The following SLC6A5 variants were observed in gnomAD, a reference collection of about 807,000 sequenced individuals.
The protein encoded by SLC6A5 is solute carrier family 6 member 5.
A neutral mutation model predicts 90.5 loss-of-function variants in SLC6A5; 58 were observed. That is an observed-to-expected ratio of 0.64 (90% CI 0.52 to 0.80). SLC6A5 has a LOEUF of 0.80. SLC6A5 is among the 30% of genes least tolerant of loss of function. SLC6A5 has a pLI of 0.00. For missense variants in SLC6A5, 1,015 were observed against 1,017.6 expected, an observed-to-expected ratio of 1.00 and a Z score of 0.03; for synonymous variants, 427 against 401.4, an observed-to-expected ratio of 1.06 and a Z score of -0.76.
intron 10 of SLC6A5, among the ~76,000 whole-genome samples, chr11:20,632,191 C>A (rs1392285529): frequency 1.3e-5 from 2 of 152,150 alleles, no homozygotes; most frequent in Non-Finnish European, 2.9e-5. Flanking sequence ...AACCTCATTT[C>A]CTCCTAGCAG....
chr11:20,604,103 G>T (rs956457217), intron 2 of SLC6A5, among the ~76,000 whole-genome samples, 183 bp from the exon 3 acceptor site: 1 of 151,942 alleles, frequency 6.6e-6, no homozygotes, highest in Non-Finnish European at 1.5e-5. Context: ...GGGTTGAGGG[G>T]TGAGGTCCCT....
In SLC6A5 at chr11:20,637,171, G is replaced by C. The variant is rs368217844; in HGVS notation, c.1738-1G>C. ...ATGTTCATTTCCTGACACGGTTCCA[G>C]TTTGCCACCATCGAGACCATAGTGA... On this transcript the variant is annotated splice_acceptor_variant, in intron 11 of 15. Transcript: ENST00000525748. LOFTEE classifies it high-confidence loss of function. 4 of 1,613,850 alleles carry C rather than the reference G, an allele frequency of 2.5e-6. No individual in the cohort carries two copies. In the African/African-American group the frequency reaches 5.3e-5, roughly 22 times the overall value.
intron 10 of SLC6A5, among the ~76,000 whole-genome samples, chr11:20,632,373 A>T (rs1044284156): frequency 6.6e-6 from 1 of 152,158 alleles, no homozygotes; most frequent in Admixed American, 6.5e-5. Flanking sequence ...GCTCCAGGAA[A>T]CGGATTTCTG....
At chr11:20,603,707 G>T (rs1214072269) in intron 2 of SLC6A5, among the ~76,000 whole-genome samples, 1 of 152,216 alleles carries the variant, frequency 6.6e-6, no homozygotes, top group Non-Finnish European at 1.5e-5. Context: ...GGCAGGTTCT[G>T]GTTTGGTCAA....
chr11:20,618,052 A>G (rs887353254), intron 7 of SLC6A5, among the ~76,000 whole-genome samples, 168 bp downstream of exon 7: 30 of 152,158 alleles, frequency 2.0e-4, no homozygotes, highest in African/African-American at 4.8e-5. Context: ...CAAAATGGGG[A>G]TAATAACACC....
intron 10 of SLC6A5, among the ~76,000 whole-genome samples, chr11:20,631,346 T>G (rs1225812817): frequency 6.6e-6 from 1 of 152,226 alleles, no homozygotes; most frequent in African/African-American, 2.4e-5. Flanking sequence ...CTGCAGTTTT[T>G]TTCCCCAGTG....
chr11:20,650,655 C>CTTTT (rs55849528), intron 14 of SLC6A5, among the ~76,000 whole-genome samples: 1 of 79,840 alleles, frequency 1.3e-5, no homozygotes, highest in African/African-American at 5.1e-5. Context: ...GACGCCTGTT[C>CTTTT]TTTTTTTTTT....
chr11:20,611,856 G>A (rs12222012), intron 5 of SLC6A5, among the ~76,000 whole-genome samples: 3,335 of 152,048 alleles, frequency 0.022, 111 homozygotes, highest in East Asian at 0.14. Context: ...GCACATGAGC[G>A]TGTTCTGTTC....
chr11:20,617,733 C>T lies in SLC6A5; in HGVS notation c.1128-19C>T. On this transcript the variant is annotated intron_variant, in intron 6 of 15. Coordinates refer to ENST00000525748, the MANE Select transcript of SLC6A5 (RefSeq NM_004211.5). ...TCCTTCTTTCTATCACTCCCCCCATCCCTCCCTCCAACTCTCAGGTACTTT... is the reference window on the plus strand; with the variant it reads ...TCCTTCTTTCTATCACTCCCCCCATTCCTCCCTCCAACTCTCAGGTACTTT... The T allele has an allele frequency of 6.2e-7, 1 of 1,611,768 alleles. No individual in the cohort carries two copies. Among genetic ancestry groups the T allele is most frequent in the Non-Finnish European group, 8.5e-7 (1 of 1,178,394 alleles).
At chr11:20,623,012 T>C (rs575056087) in intron 7 of SLC6A5, among the ~76,000 whole-genome samples, 1 of 152,164 alleles carries the variant, frequency 6.6e-6, no homozygotes, top group Non-Finnish European at 1.5e-5. Flanking sequence ...GTGGAAGGGC[T>C]TCACTTCTCC....
chr11:20,604,447 G>T (rs1198198329), intron 3 of SLC6A5, 23 bp downstream of exon 3: 2 of 1,611,506 alleles, frequency 1.2e-6, no homozygotes, highest in Middle Eastern at 2.0e-4. Flanking sequence ...CGCTCTTTCC[G>T]CCTGCGGCGG....
intron 13 of SLC6A5, among the ~76,000 whole-genome samples, chr11:20,644,505 T>C (rs1853372702): frequency 6.6e-6 from 1 of 152,230 alleles, no homozygotes; most frequent in Non-Finnish European, 1.5e-5. Flanking sequence ...GTTGATTCCA[T>C]TGATGCTGCA....
At chr11:20,639,031 G>A (rs1853263394) in intron 13 of SLC6A5, among the ~76,000 whole-genome samples, 2 of 152,130 alleles carry the variant, frequency 1.3e-5, no homozygotes. Context: ...TAGCATCATA[G>A]GAGCCTGTGA....
chr11:20,638,347 T>C, intron 12 of SLC6A5, 112 bp from the exon 13 acceptor site: 1 of 753,160 alleles, frequency 1.3e-6, no homozygotes, highest in Non-Finnish European at 2.4e-6. Flanking sequence ...ATGCATGGAC[T>C]CCTGTTTGCA....
In SLC6A5 at chr11:20,636,417, A is replaced by C. The variant is rs368756114; in HGVS notation, c.1735A>C (p.Met579Leu). Residue 579 changes from methionine (M) to leucine (L), a missense_variant and splice_region_variant, in exon 11 of 16, where the codon ATG becomes CTG. Met to Leu is a conservative substitution (Grantham distance 15). Coordinates refer to ENST00000525748, the MANE Select transcript of SLC6A5 (RefSeq NM_004211.5). ...GCTCCTCACTCTTGGACTTGACACT[A>C]TGGTGAGCCCCTTTTCCATCAGTCT... Reference protein sequence around the residue: ...LMLLTLGLDTMFATIETIVTS... With the variant: ...LMLLTLGLDTLFATIETIVTS... The C allele has an allele frequency of 6.3e-7, 1 of 1,578,084 alleles. No homozygotes were observed. Among genetic ancestry groups the C allele is most frequent in the Non-Finnish European group, 8.7e-7 (1 of 1,147,182 alleles).
intron 5 of SLC6A5, among the ~76,000 whole-genome samples, chr11:20,613,287 A>G (rs75253499): frequency 0.039 from 5,997 of 152,318 alleles, 407 homozygotes; most frequent in African/African-American, 0.14. Flanking sequence ...AAACAGTGCC[A>G]TAAACGTGGT....
chr11:20,652,452 T>A lies in SLC6A5; in HGVS notation c.2234T>A (p.Ile745Asn). 6.2e-7 allele frequency: 1 copy of A among 1,613,724 alleles called. No individual in the cohort carries two copies. Among genetic ancestry groups the A allele is most frequent in the Non-Finnish European group, 8.5e-7 (1 of 1,179,582 alleles). ...ATGCATCTGGCCCCTGGAAGATTTA[T>A]TGAGGTAATTCTGTCTACTTCTTTC... ...IKMHLAPGRF[I>N]ERLKLVCSPQ... The change falls in exon 15 of 16, where the codon ATT becomes AAT. Residue 745 changes from isoleucine to asparagine, a missense_variant. Physicochemically the swap from Ile to Asn is moderately radical, Grantham distance 149. Around this residue, in one of 3 missense-constraint regions of SLC6A5, gnomAD observed 442 missense variants for 494.3 expected, o/e 0.89. Transcript: ENST00000525748.
rs773727528 is a variant in SLC6A5 at position 20,606,988 on chromosome 11, T to A, written c.680-19T>A. 1.2e-6 allele frequency: 2 copies of A among 1,613,998 alleles called. No homozygotes were observed. On this transcript the variant is annotated intron_variant, in intron 3 of 15. Transcript: ENST00000525748. The stretch of plus-strand genomic sequence containing the variant: ...TGCTTTTGCCTCCTAGGGCTCTCAC[T>A]CCCCACTCTCTTTCCAAGGTGCTTT...
rs1225074595 is a variant in SLC6A5 at position 20,637,300 on chromosome 11, T to C, written c.1866T>C (p.Thr622=). Residue 622 remains threonine (T), a synonymous_variant, in exon 12 of 16, where the codon ACT becomes ACC. Transcript: ENST00000525748. ...CFFIMGFPMI[T]QGGIYMFQLV... ...TCATCATGGGTTTTCCAATGATCAC[T>C]CAGGTAAGCTGCCTCCTAGGCACAG... 6.2e-7 allele frequency: 1 copy of C among 1,608,952 alleles called. No homozygotes were observed. Among genetic ancestry groups the C allele is most frequent in the Non-Finnish European group, 8.5e-7 (1 of 1,177,166 alleles).
Sources: gnomAD v4.1 joint callset for allele counts (sites outside exome capture counted in the v4.1 genomes callset) on GRCh38, gnomAD v4.1.1 for gene constraint, gnomAD v4.1.1 regional missense constraint, MANE v1.5 for transcripts, NCBI Gene and HGNC (gene_info 2026-07-23, HGNC 2026-07-21) for gene names.